Variants in BCAS3 observed in about 807,000 individuals in gnomAD.
The protein encoded by BCAS3 is BCAS3 microtubule associated cell migration factor.
Under a neutral mutation model 116.1 loss-of-function variants are expected in BCAS3, and 53 were observed. The ratio of observed to expected loss-of-function variants is 0.46; its 90% CI spans 0.37 to 0.57. BCAS3 has a LOEUF of 0.57. BCAS3 is among the 20% of genes least tolerant of loss of function. The probability of loss-of-function intolerance (pLI) is 0.00; values close to 1 mark genes in which losing one functional copy is unlikely to be tolerated. For synonymous variants in BCAS3, 391 were observed against 408.2 expected, an observed-to-expected ratio of 0.96 and a Z score of 0.51; for missense variants, 917 against 1,165.4, an observed-to-expected ratio of 0.79 and a Z score of 3.10.
intron 5 of BCAS3, among the ~76,000 whole-genome samples, chr17:60,742,301 A>T (rs139373035): frequency 1.4e-4 from 21 of 152,264 alleles, no homozygotes; most frequent in African/African-American, 5.1e-4. Context: ...CAAAGTGTGG[A>T]TCCCCTATAG....
intron 19 of BCAS3, among the ~76,000 whole-genome samples, chr17:61,048,852 A>G (rs2068583070): frequency 6.6e-6 from 1 of 152,004 alleles, no homozygotes; most frequent in African/African-American, 2.4e-5. Flanking sequence ...AGAGGGCACA[A>G]TGGTCACACA....
rs545622715 is a variant in BCAS3, at chr17:60,769,196, G to C, written c.403+21917G>C. Among the ~76,000 whole-genome samples, 8 of 152,230 alleles carry C rather than the reference G, an allele frequency of 5.3e-5. No homozygotes were observed. The East Asian group carries it at 1.5e-3, about 29-fold the overall frequency. On this transcript the variant is annotated intron_variant, in intron 6 of 23. Transcript: ENST00000407086. ...GGCTGGATGAGTAGACTTGTCCTTG[G>C]GCCCCTTGGTAGTGCATTCAGGTGA...
chr17:61,075,540 C>G (rs1004100571), intron 20 of BCAS3, among the ~76,000 whole-genome samples: 2 of 152,104 alleles, frequency 1.3e-5, no homozygotes, highest in African/African-American at 4.8e-5. Context: ...GTCTTGAACT[C>G]CTGACTTCAA....
chr17:60,951,720 A>G (rs1406521869), intron 14 of BCAS3, among the ~76,000 whole-genome samples: 2 of 150,522 alleles, frequency 1.3e-5, no homozygotes, highest in Non-Finnish European at 3.0e-5. Flanking sequence ...CTAGGGGAAA[A>G]TCCAATTTAC....
chr17:60,933,607 G>A (rs796292627), intron 13 of BCAS3, among the ~76,000 whole-genome samples: 6 of 152,240 alleles, frequency 3.9e-5, no homozygotes, highest in African/African-American at 1.4e-4. Context: ...AGGTGATTGT[G>A]GTCTTGGGTT....
chr17:61,059,419 C>A (rs1181279320), intron 19 of BCAS3, among the ~76,000 whole-genome samples: 1 of 151,910 alleles, frequency 6.6e-6, no homozygotes, highest in Non-Finnish European at 1.5e-5. Flanking sequence ...TAATACCTAC[C>A]TTACAGGATC....
At chr17:60,849,785 C>T (rs1047470988) in intron 7 of BCAS3, among the ~76,000 whole-genome samples, 1 of 152,152 alleles carries the variant, frequency 6.6e-6, no homozygotes, top group Non-Finnish European at 1.5e-5. Flanking sequence ...TTCTTCTTGA[C>T]AGGCTCTCAC....
intron 7 of BCAS3, 82 bp downstream of exon 7, chr17:60,808,158 C>T (rs2048457103): frequency 5.2e-6 from 5 of 956,760 alleles, no homozygotes; most frequent in Non-Finnish European, 4.8e-6. Context: ...GTTATAAAAC[C>T]TTTGTAACCA....
intron 22 of BCAS3, among the ~76,000 whole-genome samples, chr17:61,168,877 T>C (rs1333552676): frequency 6.6e-6 from 1 of 152,226 alleles, no homozygotes; most frequent in Non-Finnish European, 1.5e-5. Flanking sequence ...TGCTGAAATG[T>C]CTAGAGTAGT....
At chr17:60,766,444 A>G (rs1221524151) in intron 6 of BCAS3, among the ~76,000 whole-genome samples, 4 of 152,196 alleles carry the variant, frequency 2.6e-5, no homozygotes, top group South Asian at 2.1e-4. Context: ...TCTAACAGTC[A>G]GGTCCCTCAG....
At chr17:60,697,439 T>C (rs544014589) in intron 4 of BCAS3, among the ~76,000 whole-genome samples, 1 of 151,802 alleles carries the variant, frequency 6.6e-6, no homozygotes, top group Admixed American at 6.6e-5. Flanking sequence ...AAAAATAAGC[T>C]GGGCATGGTG....
chr17:61,169,762 CTG>C (rs1251031074), intron 22 of BCAS3, among the ~76,000 whole-genome samples: 2 of 152,202 alleles, frequency 1.3e-5, no homozygotes, highest in Admixed American at 6.5e-5. Context: ...CCAAGAATAT[CTG>C]TGGATATGGG....
At chr17:60,822,184 A>G (rs1310676304) in intron 7 of BCAS3, among the ~76,000 whole-genome samples, 1 of 152,196 alleles carries the variant, frequency 6.6e-6, no homozygotes, top group African/African-American at 2.4e-5. Context: ...GTGGTTGTAC[A>G]ATTTTACATC....
intron 22 of BCAS3, among the ~76,000 whole-genome samples, chr17:61,166,208 A>AT (rs558339989): frequency 2.4e-4 from 37 of 152,130 alleles, no homozygotes; most frequent in African/African-American, 8.4e-4. Flanking sequence ...CTCATGGCAT[A>AT]TTTTTTGTCC....
intron 23 of BCAS3, among the ~76,000 whole-genome samples, chr17:61,369,814 GA>G (rs1393270021): frequency 6.6e-6 from 1 of 152,262 alleles, no homozygotes; most frequent in Non-Finnish European, 1.5e-5. Flanking sequence ...ACCAGGGCTT[GA>G]CTTCGCTTCC....
intron 22 of BCAS3, among the ~76,000 whole-genome samples, chr17:61,331,645 T>G (rs2056298196): frequency 6.6e-6 from 1 of 152,218 alleles, no homozygotes; most frequent in Non-Finnish European, 1.5e-5. Context: ...AGTTTTTATT[T>G]TTAATTTCTT....
In BCAS3 at chr17:61,388,697, G is replaced by C; in HGVS notation, c.2594-3280G>C. On this transcript the variant is annotated intron_variant, in intron 23 of 23. Coordinates refer to ENST00000407086, the MANE Select transcript of BCAS3 (RefSeq NM_017679.5). This position sits in a 1 kb window ranked among gnomAD's most constrained non-coding sequence, Gnocchi z 6.5. The stretch of plus-strand genomic sequence containing the variant: ...CCAACAGTAACAAAGCATGCGTTCG[G>C]GATGGAGGAAGGTAAGGCCACACGT... 1 of 1,550,454 alleles carries C rather than the reference G, an allele frequency of 6.4e-7. No homozygotes were observed. The highest frequency in any genetic ancestry group is 8.7e-7 in the Non-Finnish European group (1 of 1,155,750).
At chr17:60,886,146 T>C (rs1158281687) in intron 9 of BCAS3, among the ~76,000 whole-genome samples, 2 of 141,694 alleles carry the variant, frequency 1.4e-5, no homozygotes, top group Non-Finnish European at 3.0e-5. Context: ...GCTCATTTCT[T>C]TTTATTCGTT....
chr17:60,786,995 C>T (rs765686570), intron 6 of BCAS3, among the ~76,000 whole-genome samples: 45 of 152,232 alleles, frequency 3.0e-4, no homozygotes, highest in Non-Finnish European at 3.4e-4. Context: ...ATATCCTTCA[C>T]CTAAACTGAT....
Sources: gnomAD v4.1 joint callset for allele counts (sites outside exome capture counted in the v4.1 genomes callset) on GRCh38, gnomAD v4.1.1 for gene constraint, Gnocchi (gnomAD v3.1) non-coding constraint, MANE v1.5 for transcripts, NCBI Gene and HGNC (gene_info 2026-07-23, HGNC 2026-07-21) for gene names.